RNF10: variants seen among roughly 807,000 people sequenced by gnomAD.
RNF10 encodes E3 ubiquitin-protein ligase RNF10.
Under a neutral mutation model 91.4 loss-of-function variants are expected in RNF10, and 38 were observed. That is an observed-to-expected ratio of 0.42 (90% CI 0.32 to 0.54). The LOEUF (loss-of-function observed/expected upper bound fraction) is 0.54. RNF10 is among the 20% of genes least tolerant of loss of function. The probability of loss-of-function intolerance (pLI) is 0.16; values close to 1 mark genes in which losing one functional copy is unlikely to be tolerated. For missense variants in RNF10, 945 were observed against 1,012.0 expected (o/e 0.93, Z 0.90); for synonymous variants, 364 against 366.3 (o/e 0.99, Z 0.07).
At chr12:120,569,260 G>A (rs1466143029) in intron 13 of RNF10, among the ~76,000 whole-genome samples, 2 of 152,118 alleles carry the variant, frequency 1.3e-5, no homozygotes, top group African/African-American at 4.8e-5. Flanking sequence ...CAAAGTCCTG[G>A]GATTACAGGC....
rs1239354970 is a variant in RNF10 at position 120,563,532 on chromosome 12, G to A, written c.1440G>A (p.Gly480=). ...TAGCAGATGACAATCTTAAAGAGGG[G>A]ACCATTTGCACTGAGTCCAGCCAGC... ...LELADDNLKE[G]TICTESSQQE... The change falls in exon 9 of 17, where the codon GGG becomes GGA. Residue 480 remains glycine, a synonymous_variant. Coordinates refer to ENST00000325954, the MANE Select transcript of RNF10 (RefSeq NM_014868.5). The A allele has an allele frequency of 6.2e-7, 1 of 1,614,012 alleles. No homozygotes were observed. The highest frequency in any genetic ancestry group is 1.3e-5 in the African/African-American group (1 of 74,900).
At chr12:120,559,031 TTTAA>T (rs1221977500) in intron 6 of RNF10, among the ~76,000 whole-genome samples, 98 of 145,524 alleles carry the variant, frequency 6.7e-4, no homozygotes, top group African/African-American at 1.2e-3. Context: ...TTAAAATTAA[TTTAA>T]TTAATTAAAT....
chr12:120,539,495 A>G (rs1871261756), intron 1 of RNF10: 8 of 1,128,920 alleles, frequency 7.1e-6, no homozygotes, highest in Non-Finnish European at 9.5e-6. Context: ...TGATTACAGC[A>G]TGAATCAGCA....
At chr12:120,560,957 T>G (rs1440759806) in intron 7 of RNF10, 71 bp downstream of exon 7, 14 of 1,501,462 alleles carry the variant, frequency 9.3e-6, no homozygotes, top group Non-Finnish European at 1.1e-5. Context: ...CCAGAAATGC[T>G]AAACCTTTTC....
intron 2 of RNF10, among the ~76,000 whole-genome samples, chr12:120,550,433 A>G (rs1648550194): frequency 6.6e-6 from 1 of 152,106 alleles, no homozygotes; most frequent in Non-Finnish European, 1.5e-5. Flanking sequence ...TTGACTGAGC[A>G]CAAGCTCTTA....
At chr12:120,553,961 G>C (rs896583844) in intron 3 of RNF10, 1 of 148,970 alleles carries the variant, frequency 6.7e-6, no homozygotes, top group African/African-American at 2.5e-5. Context: ...CTGGAGTGTA[G>C]TGGCGTGATC....
In RNF10 at chr12:120,534,639, C is replaced by T. The variant is rs1870455844; in HGVS notation, c.-173C>T. The T allele has an allele frequency of 3.0e-6, 4 of 1,343,780 alleles. No homozygotes were observed. The highest frequency in any genetic ancestry group is 3.8e-6 in the Non-Finnish European group (4 of 1,053,264). 83.2% of individuals were successfully genotyped at this position (1,343,780 alleles called of 1,614,324 possible). A position where few individuals can be genotyped will look rare whatever the true frequency, so the allele number is the denominator to read the frequency against. On this transcript the variant is annotated 5_prime_UTR_variant, in exon 1 of 17. Transcript: ENST00000325954. ...CTGCCGCCGGGCTTAACAGCCCCGT[C>T]CGCCGCTTCTCTTCCTAGTTTGAGA... is the stretch of plus-strand genomic sequence containing the variant.
In RNF10 at chr12:120,575,681, A is replaced by C; in HGVS notation, c.2193A>C (p.Pro731=). The change falls in exon 15 of 17, where the codon CCA becomes CCC. Residue 731 remains proline, a synonymous_variant. Transcript: ENST00000325954. ...CAGATGTGTGGCCCAAAACTGCTCC[A>C]AAGAAAGGTGAGGATGGTCCACTGG... ...AKADVWPKTA[P]KKDENSLVPP... 1 of 1,614,232 alleles carries C rather than the reference A, an allele frequency of 6.2e-7. No individual in the cohort carries two copies. Among genetic ancestry groups the C allele is most frequent in the Non-Finnish European group, 8.5e-7 (1 of 1,180,038 alleles).
At chr12:120,535,019 GGAGAGTCGTTGCTCT>G in intron 1 of RNF10, 51 bp downstream of exon 1, 10 of 1,521,460 alleles carry the variant, frequency 6.6e-6, no homozygotes, top group Non-Finnish European at 8.8e-6. Context: ...CTGCTGCTGG[GGAGAGTCGTTGCTCT>G]CATCGGCTGG....
In RNF10 at chr12:120,537,162, C is replaced by T. The variant is rs185902775; in HGVS notation, c.157+2194C>T. Among the ~76,000 whole-genome samples the T allele has an allele frequency of 5.3e-5, 8 of 151,744 alleles. No individual in the cohort carries two copies. The East Asian group carries it at 1.4e-3, about 26-fold the overall frequency. On this transcript the variant is annotated intron_variant, in intron 1 of 16. Transcript: ENST00000325954. ...CTGTCCTACAAAAAAATAAATGAGC[C>T]GGGCGTGGTGGCACGCACCTGTAGT...
At chr12:120,536,341 T>G (rs1375105588) in intron 1 of RNF10, among the ~76,000 whole-genome samples, 2 of 152,112 alleles carry the variant, frequency 1.3e-5, no homozygotes, top group Non-Finnish European at 2.9e-5. Flanking sequence ...GGAGGATCGC[T>G]TAAGCTCAAG....
chr12:120,553,061 T>TGA, intron 3 of RNF10, among the ~76,000 whole-genome samples: 1 of 5,636 alleles, frequency 1.8e-4, no homozygotes, highest in Non-Finnish European at 6.1e-4. Flanking sequence ...TTTTTTTTTT[T>TGA]TTTTTTTTTT....
chr12:120,541,575 C>T (rs1047279355), intron 1 of RNF10, among the ~76,000 whole-genome samples: 54 of 151,868 alleles, frequency 3.6e-4, no homozygotes, highest in African/African-American at 1.2e-3. Context: ...GCTGGGACTA[C>T]AGGCGCCCGC....
chr12:120,576,015 C>G (rs1877344145), intron 16 of RNF10, 65 bp downstream of exon 16: 1 of 1,542,348 alleles, frequency 6.5e-7, no homozygotes, highest in Non-Finnish European at 8.9e-7. Flanking sequence ...CCATTCCCGC[C>G]TGGATTCAGT....
chr12:120,575,739 GC>G, intron 15 of RNF10, 51 bp downstream of exon 15: 1 of 1,613,922 alleles, frequency 6.2e-7, no homozygotes, highest in Non-Finnish European at 8.5e-7. Context: ...TCCATAAAAG[GC>G]TGTTTCTAGA....
At chr12:120,538,327 C>G (rs562142512) in intron 1 of RNF10, among the ~76,000 whole-genome samples, 2 of 152,118 alleles carry the variant, frequency 1.3e-5, no homozygotes, top group African/African-American at 2.4e-5. Context: ...CATTTGCTTC[C>G]TAGCTACATG....
chr12:120,540,904 G>T (rs147632591), intron 1 of RNF10, among the ~76,000 whole-genome samples: 1 of 151,014 alleles, frequency 6.6e-6, no homozygotes, highest in Non-Finnish European at 1.5e-5. Context: ...GCCCAGGCTG[G>T]AGTGTAGTGG....
chr12:120,569,252 A>G (rs537443832), intron 13 of RNF10, among the ~76,000 whole-genome samples: 3 of 151,934 alleles, frequency 2.0e-5, no homozygotes, highest in South Asian at 2.1e-4. Context: ...TGGCCTCCCA[A>G]AGTCCTGGGA....
intron 1 of RNF10, among the ~76,000 whole-genome samples, chr12:120,538,932 T>C (rs1330301367): frequency 6.6e-6 from 1 of 152,066 alleles, no homozygotes; most frequent in East Asian, 1.9e-4. Flanking sequence ...GCTTTGAAAA[T>C]TGAGGTGATT....
Sources: gnomAD v4.1 joint callset for allele counts (sites outside exome capture counted in the v4.1 genomes callset) on GRCh38, gnomAD v4.1.1 for gene constraint, MANE v1.5 for transcripts, NCBI Gene and HGNC (gene_info 2026-07-23, HGNC 2026-07-21) for gene names.